The following UGT1A10 variants were observed in gnomAD, a reference collection of about 807,000 sequenced individuals.
UGT1A10 encodes the protein UDP glucuronosyltransferase family 1 member A10.
Under a neutral mutation model 45.8 loss-of-function variants are expected in UGT1A10, and 49 were observed. The observed-to-expected ratio is 1.07, with a 90% CI of 0.85 to 1.36. The LOEUF (loss-of-function observed/expected upper bound fraction) is 1.36, where lower values mean the gene tolerates loss of function less well. Among genes scored for constraint, UGT1A10 ranks in the 40% most tolerant of loss-of-function variants. The pLI is 0.00. For synonymous variants in UGT1A10, 284 were observed against 249.7 expected, an observed-to-expected ratio of 1.14 and a Z score of -1.29; for missense variants, 745 against 668.6, an observed-to-expected ratio of 1.11 and a Z score of -1.26.
intron 1 of UGT1A10, among the ~76,000 whole-genome samples, chr2:233,680,099 T>C (rs17874939): frequency 6.6e-6 from 1 of 152,166 alleles, no homozygotes; most frequent in African/African-American, 2.4e-5. Context: ...CAGGCAATCA[T>C]AGCGGCAGAG....
At chr2:233,749,562 T>C (rs541768746) in intron 1 of UGT1A10, among the ~76,000 whole-genome samples, 1 of 151,994 alleles carries the variant, frequency 6.6e-6, no homozygotes, top group Non-Finnish European at 1.5e-5. Context: ...ATGTATTCAA[T>C]AGTGAGGCCA....
intron 4 of UGT1A10, 146 bp from the exon 5 acceptor site, chr2:233,772,116 A>AAAC (rs1252124628): frequency 7.8e-6 from 12 of 1,531,304 alleles, no homozygotes; most frequent in South Asian, 4.9e-5. Context: ...CTGTATCTAA[A>AAAC]AACAACAACA....
intron 1 of UGT1A10, chr2:233,691,268 C>A: frequency 3.0e-6 from 3 of 985,530 alleles, no homozygotes; most frequent in Non-Finnish European, 3.6e-6. Flanking sequence ...ATGCTGCCGC[C>A]CCCATGACTT....
At position 233,729,976 on chromosome 2, in the gene UGT1A10, A is replaced by G. The variant is rs201645683; in HGVS notation, c.856-37058A>G. The G allele has an allele frequency of 5.4e-5, 87 of 1,614,040 alleles. No individual in the cohort carries two copies. The highest frequency in any genetic ancestry group is 3.6e-4 in the East Asian group (16 of 44,888). On this transcript the variant is annotated intron_variant, in intron 1 of 4. Transcript: ENST00000344644. ...CATTGGGGGCATCAACTGTGCCAACAGGAAGCCACTATCTCAGGTCTGTAT... is the reference window on the plus strand; with the variant it reads ...CATTGGGGGCATCAACTGTGCCAACGGGAAGCCACTATCTCAGGTCTGTAT...
chr2:233,767,214 T>A (rs1420134896), intron 2 of UGT1A10, 49 bp downstream of exon 2: 25 of 1,612,300 alleles, frequency 1.6e-5, no homozygotes, highest in Non-Finnish European at 2.1e-5. Flanking sequence ...ACAGGAGCGC[T>A]AATCCCAGAC....
intron 1 of UGT1A10, among the ~76,000 whole-genome samples, chr2:233,711,620 C>T (rs893432462): frequency 6.6e-6 from 1 of 152,178 alleles, no homozygotes; most frequent in African/African-American, 2.4e-5. Context: ...GTGGACAGCT[C>T]CATTCGCTGC....
At chr2:233,696,513 C>T (rs2075347301) in intron 1 of UGT1A10, among the ~76,000 whole-genome samples, 1 of 152,168 alleles carries the variant, frequency 6.6e-6, no homozygotes, top group Non-Finnish European at 1.5e-5. Context: ...TCAGTTCTAA[C>T]AGCTTTTGGG....
intron 1 of UGT1A10, chr2:233,672,250 T>C (rs2074217670): frequency 1.9e-6 from 3 of 1,614,088 alleles, no homozygotes; most frequent in Non-Finnish European, 2.5e-6. Flanking sequence ...ACGAAGTATA[T>C]ATTCTCTATT....
At position 233,746,640 on chromosome 2, in the gene UGT1A10, A is replaced by C. The variant is rs553124614; in HGVS notation, c.856-20394A>C. Among the ~76,000 whole-genome samples the C allele has an allele frequency of 3.3e-5, 5 of 151,640 alleles. No individual in the cohort carries two copies. In the East Asian group the frequency reaches 9.7e-4, roughly 29 times the overall value. On this transcript the variant is annotated intron_variant, in intron 1 of 4. Transcript: ENST00000344644. ...TCCTTTCAGGCAAGGACCATTTCTA[A>C]CTTGGCTTTCTGTCCCGAGTTCCTA...
At chr2:233,672,676 A>G in intron 1 of UGT1A10, 1 of 1,613,916 alleles carries the variant, frequency 6.2e-7, no homozygotes, top group Non-Finnish European at 8.5e-7. Flanking sequence ...CTACAGCCAC[A>G]CATCAATTTG....
At chr2:233,724,847 C>A (rs1352664169) in intron 1 of UGT1A10, among the ~76,000 whole-genome samples, 1 of 131,490 alleles carries the variant, frequency 7.6e-6, no homozygotes, top group African/African-American at 3.2e-5. Context: ...CCAAGGCAGG[C>A]GGCTGGGAGG....
chr2:233,671,376 AG>A (rs570390845), intron 1 of UGT1A10, among the ~76,000 whole-genome samples: 185 of 152,330 alleles, frequency 1.2e-3, no homozygotes, highest in African/African-American at 4.2e-3. Context: ...GAGGCTTCTC[AG>A]GGTTTGGAAA....
intron 1 of UGT1A10, among the ~76,000 whole-genome samples, chr2:233,685,069 AT>A (rs1419211774): frequency 2.0e-5 from 3 of 151,848 alleles, no homozygotes; most frequent in Non-Finnish European, 2.9e-5. Context: ...TGCACAGGAG[AT>A]TTTTTTTCTG....
chr2:233,762,928 A>G (rs1698198044), intron 1 of UGT1A10, among the ~76,000 whole-genome samples: 1 of 152,220 alleles, frequency 6.6e-6, no homozygotes, highest in African/African-American at 2.4e-5. Flanking sequence ...TAGAATCTCT[A>G]AAAACAGTTG....
At chr2:233,718,632 C>T in intron 1 of UGT1A10, 1 of 1,448,466 alleles carries the variant, frequency 6.9e-7, no homozygotes, top group Non-Finnish European at 9.3e-7. Flanking sequence ...TGGTCTTTCC[C>T]AGGGTTGGGC....
At chr2:233,735,919 C>A (rs2078709385) in intron 1 of UGT1A10, among the ~76,000 whole-genome samples, 1 of 152,156 alleles carries the variant, frequency 6.6e-6, no homozygotes, top group South Asian at 2.1e-4. Context: ...GTAACCCGAC[C>A]TTTCTCTGTG....
At position 233,725,825 on chromosome 2, in the gene UGT1A10, A is replaced by G. The variant is rs185131948; in HGVS notation, c.856-41209A>G. Among the ~76,000 whole-genome samples the G allele has an allele frequency of 6.0e-4, 91 of 152,230 alleles. 1 individual carries two copies. In the South Asian group the frequency reaches 6.4e-3, roughly 11 times the overall value. ...AAAATCCATTTTATTGGATACCAGT[A>G]TTGCTACTCCTATGTTATTTTTTCA... On this transcript the variant is annotated intron_variant, in intron 1 of 4. Transcript: ENST00000344644.
rs34993780 is a variant in UGT1A10 at position 233,772,413 on chromosome 2, T to C, written c.1447T>C (p.Tyr483His). 6.2e-7 allele frequency: 1 copy of C among 1,614,064 alleles called. No homozygotes were observed. The highest frequency in any genetic ancestry group is 8.5e-7 in the Non-Finnish European group (1 of 1,180,038). The change falls in exon 5 of 5, where the codon TAC becomes CAC. Residue 483 changes from tyrosine (Y) to histidine (H), a missense_variant. By Grantham distance (83) the Tyr-to-His change is moderately conservative (BLOSUM62 2). Coordinates refer to ENST00000344644, the MANE Select transcript of UGT1A10 (RefSeq NM_019075.4). ...AGCCCACGACCTCACCTGGTACCAG[T>C]ACCATTCCTTGGACGTGATTGGTTT... The part of the protein sequence containing the change: ...PAAHDLTWYQ[Y>H]HSLDVIGFLL...
intron 2 of UGT1A10, 64 bp downstream of exon 2, chr2:233,767,229 A>T (rs1699343711): frequency 6.2e-7 from 1 of 1,610,454 alleles, no homozygotes; most frequent in South Asian, 1.1e-5. Context: ...CCAGACTTCC[A>T]GCTTCCAGAT....
Sources: allele counts gnomAD v4.1 joint callset (sites outside exome capture counted in the v4.1 genomes callset), GRCh38; gene constraint gnomAD v4.1.1; transcripts MANE v1.5; gene names NCBI Gene and HGNC (gene_info 2026-07-23, HGNC 2026-07-21).